The following GRM8 variants were observed in gnomAD, a reference collection of about 807,000 sequenced individuals.
GRM8 encodes the protein metabotropic glutamate receptor 8.
GRM8 carries 47 observed loss-of-function variants against 87.2 expected under a neutral mutation model. The ratio of observed to expected loss-of-function variants is 0.54; its 90% CI spans 0.43 to 0.69. The LOEUF (loss-of-function observed/expected upper bound fraction) is 0.69, where lower values mean the gene tolerates loss of function less well. Ranked by LOEUF, GRM8 falls within the 30% of genes least tolerant of loss-of-function variation. The pLI, the probability that GRM8 is intolerant of heterozygous loss-of-function variation, is 0.00. For synonymous variants in GRM8, 396 were observed against 404.5 expected (o/e 0.98, Z 0.25); for missense variants, 1,019 against 1,139.2 (o/e 0.89, Z 1.52).
At chr7:126,939,385 A>G (rs1382863688) in intron 3 of GRM8, among the ~76,000 whole-genome samples, 1 of 152,180 alleles carries the variant, frequency 6.6e-6, no homozygotes, top group African/African-American at 2.4e-5. Context: ...ATTGACTGAT[A>G]TTGGACAAGT....
At chr7:126,562,027 T>G (rs1010101894) in intron 8 of GRM8, among the ~76,000 whole-genome samples, 1 of 152,188 alleles carries the variant, frequency 6.6e-6, no homozygotes, top group Non-Finnish European at 1.5e-5. Context: ...ATAGGGCATT[T>G]TCTTTTAAGA....
intron 10 of GRM8, among the ~76,000 whole-genome samples, chr7:126,442,634 A>G (rs1801596730): frequency 6.6e-6 from 1 of 152,068 alleles, no homozygotes; most frequent in Admixed American, 6.6e-5. Context: ...ATCTTGAACA[A>G]TAAAGTTTTC....
chr7:126,521,523 C>A (rs535640109), intron 9 of GRM8, among the ~76,000 whole-genome samples: 4 of 151,780 alleles, frequency 2.6e-5, no homozygotes, highest in African/African-American at 4.8e-5. Flanking sequence ...CAGAACCCTG[C>A]GGATTACCTT....
At chr7:126,788,478 T>C (rs1820925252) in intron 6 of GRM8, among the ~76,000 whole-genome samples, 2 of 149,652 alleles carry the variant, frequency 1.3e-5, no homozygotes, top group Non-Finnish European at 3.0e-5. Flanking sequence ...TGTATGTGCT[T>C]TTTAACACCT....
intron 8 of GRM8, among the ~76,000 whole-genome samples, chr7:126,538,350 TA>T (rs1183443548): frequency 6.6e-6 from 1 of 152,192 alleles, no homozygotes; most frequent in African/African-American, 2.4e-5. Flanking sequence ...TGTATAGTTT[TA>T]ATAACTCCTG....
chr7:126,843,545 C>G (rs915918883), intron 6 of GRM8, among the ~76,000 whole-genome samples: 1 of 152,176 alleles, frequency 6.6e-6, no homozygotes, highest in Non-Finnish European at 1.5e-5. Context: ...AGCTGAACAC[C>G]CACCAGCTGA....
chr7:126,783,389 G>T (rs772784687), intron 6 of GRM8, among the ~76,000 whole-genome samples: 141 of 152,272 alleles, frequency 9.3e-4, no homozygotes, highest in Middle Eastern at 3.4e-3. Context: ...AATATTCTGT[G>T]AAGAGCCACT....
intron 2 of GRM8, among the ~76,000 whole-genome samples, chr7:127,206,900 A>G (rs1795945638): frequency 6.6e-6 from 1 of 152,244 alleles, no homozygotes; most frequent in African/African-American, 2.4e-5. Flanking sequence ...ACAAGAGTTG[A>G]CAGCAGCTGG....
chr7:126,460,171 TCTGATG>T (rs969655396), intron 9 of GRM8, among the ~76,000 whole-genome samples: 1 of 151,600 alleles, frequency 6.6e-6, no homozygotes, highest in Non-Finnish European at 1.5e-5. Context: ...CACTATCATG[TCTGATG>T]TAGATATATG....
intron 3 of GRM8, among the ~76,000 whole-genome samples, chr7:126,919,950 T>C (rs1804343536): frequency 6.6e-6 from 1 of 152,204 alleles, no homozygotes; most frequent in South Asian, 2.1e-4. Context: ...CACATTCATT[T>C]ACCTCCATGT....
chr7:126,623,984 G>C (rs936696019), intron 7 of GRM8, among the ~76,000 whole-genome samples: 1 of 152,206 alleles, frequency 6.6e-6, no homozygotes, highest in Non-Finnish European at 1.5e-5. Flanking sequence ...GCATGGACAG[G>C]TTCTATCTTC....
At chr7:127,011,554 T>G (rs1261167696) in intron 3 of GRM8, among the ~76,000 whole-genome samples, 1 of 152,124 alleles carries the variant, frequency 6.6e-6, no homozygotes, top group Non-Finnish European at 1.5e-5. Flanking sequence ...TAATGAAGAC[T>G]TCTACAAAAA....
In GRM8 at chr7:126,479,199, G is replaced by A. The variant is rs188603107; in HGVS notation, c.2431-32827C>T. On this transcript the variant is annotated intron_variant, in intron 9 of 10. Transcript: ENST00000339582. ...GTTGGTAAACTGAATTACTTTTAAT[G>A]TAATGGAAGAGAGTTGTGCATTAAG... Among the ~76,000 whole-genome samples the A allele has an allele frequency of 8.5e-5, 13 of 152,144 alleles. No homozygotes were observed. The East Asian group carries it at 1.9e-3, about 23-fold the overall frequency.
chr7:126,982,414 G>A (rs1185154525), intron 3 of GRM8, among the ~76,000 whole-genome samples: 1 of 152,108 alleles, frequency 6.6e-6, no homozygotes, highest in Non-Finnish European at 1.5e-5. Context: ...TCCACCCCTT[G>A]ACAACTTGAA....
intron 3 of GRM8, among the ~76,000 whole-genome samples, chr7:126,978,855 C>T (rs1178597705): frequency 6.6e-6 from 1 of 152,178 alleles, no homozygotes; most frequent in African/African-American, 2.4e-5. Flanking sequence ...CCCTAAGAGA[C>T]TCCCCTATTT....
chr7:126,590,185 A>C (rs1796545404), intron 8 of GRM8, among the ~76,000 whole-genome samples: 1 of 152,022 alleles, frequency 6.6e-6, no homozygotes, highest in Non-Finnish European at 1.5e-5. Context: ...CATAAATAAA[A>C]ATATCACAAT....
intron 8 of GRM8, among the ~76,000 whole-genome samples, chr7:126,600,572 A>G (rs947174386): frequency 6.6e-6 from 1 of 152,140 alleles, no homozygotes; most frequent in African/African-American, 2.4e-5. Flanking sequence ...CTAATAGATA[A>G]TCTTGGATCA....
chr7:127,048,677 G>C (rs1819175913), intron 3 of GRM8, among the ~76,000 whole-genome samples: 1 of 152,140 alleles, frequency 6.6e-6, no homozygotes, highest in African/African-American at 2.4e-5. Flanking sequence ...AAGCAGAGCT[G>C]GTTTTAAACC....
intron 6 of GRM8, among the ~76,000 whole-genome samples, chr7:126,840,541 T>C (rs1310625150): frequency 6.6e-6 from 1 of 152,208 alleles, no homozygotes; most frequent in Non-Finnish European, 1.5e-5. Context: ...ACGTGGCTTA[T>C]AAAGATATGC....
Sources: gnomAD v4.1 joint callset for allele counts (sites outside exome capture counted in the v4.1 genomes callset) on GRCh38, gnomAD v4.1.1 for gene constraint, MANE v1.5 for transcripts, NCBI Gene and HGNC (gene_info 2026-07-23, HGNC 2026-07-21) for gene names.